Variants in F5 observed in about 807,000 individuals in gnomAD.
The protein encoded by F5 is activated protein c cofactor.
In F5, 138 loss-of-function variants were observed where a neutral mutation model predicts 216.4. The observed-to-expected ratio is 0.64, with a 90% CI of 0.56 to 0.73. The LOEUF (loss-of-function observed/expected upper bound fraction) is 0.73, where lower values mean the gene tolerates loss of function less well. Among genes scored for constraint, F5 ranks in the 30% least tolerant of loss-of-function variants. F5 has a pLI of 0.00. For synonymous variants in F5, 916 were observed against 930.7 expected (o/e 0.98, Z 0.29); for missense variants, 2,403 against 2,674.0 (o/e 0.90, Z 2.24).
intron 3 of F5, among the ~76,000 whole-genome samples, chr1:169,562,214 C>T (rs369422967): frequency 6.6e-6 from 1 of 152,120 alleles, no homozygotes; most frequent in African/African-American, 2.4e-5. Flanking sequence ...TGGGCCCAGA[C>T]AACCACTAAT....
At position 169,514,184 on chromosome 1, in the gene F5, T is replaced by C; in HGVS notation, c.*129A>G. 1 of 949,326 alleles carries C rather than the reference T, an allele frequency of 1.1e-6. No homozygotes were observed. The highest frequency in any genetic ancestry group is 1.6e-6 in the Non-Finnish European group (1 of 613,740). 58.8% of individuals were successfully genotyped at this position (949,326 alleles called of 1,614,324 possible). On this transcript the variant is annotated 3_prime_UTR_variant, in exon 25 of 25. Coordinates refer to ENST00000367797, the MANE Select transcript of F5 (RefSeq NM_000130.5). ...TAAAAGCTTCTTGTATAAAATTTTA[T>C]TCACTAATAGAAAAGAAAGAGAAAT...
chr1:169,559,870 C>T (rs1660424130), intron 4 of F5, among the ~76,000 whole-genome samples: 1 of 149,292 alleles, frequency 6.7e-6, no homozygotes, highest in African/African-American at 2.5e-5. Context: ...TGAGTAAATA[C>T]ATTGGGCATG....
At chr1:169,519,725 T>C (rs753286314) in intron 22 of F5, among the ~76,000 whole-genome samples, 55 of 152,316 alleles carry the variant, frequency 3.6e-4, no homozygotes, top group Non-Finnish European at 7.1e-4. Flanking sequence ...TTGATCCCTC[T>C]TCCCACCTCC....
chr1:169,550,270 T>TC (rs1272186330), intron 9 of F5, among the ~76,000 whole-genome samples: 26 of 88,972 alleles, frequency 2.9e-4, no homozygotes, highest in African/African-American at 4.9e-4. Context: ...CCTAATGCTA[T>TC]CCCTCCCCCC....
chr1:169,575,042 A>G (rs182512091), intron 2 of F5, among the ~76,000 whole-genome samples: 43 of 152,310 alleles, frequency 2.8e-4, no homozygotes, highest in African/African-American at 9.4e-4. Context: ...GATCACAAAA[A>G]CATTCAATTT....
At chr1:169,530,365 G>A (rs1393487441) in intron 15 of F5, among the ~76,000 whole-genome samples, 1 of 152,064 alleles carries the variant, frequency 6.6e-6, no homozygotes, top group Admixed American at 6.6e-5. Flanking sequence ...AGATAAAATT[G>A]TATGCATATA....
chr1:169,574,981 T>G (rs1257000480), intron 2 of F5, among the ~76,000 whole-genome samples: 1 of 152,212 alleles, frequency 6.6e-6, no homozygotes, highest in African/African-American at 2.4e-5. Flanking sequence ...ATTTTTATAG[T>G]TCTATAACTT....
chr1:169,531,105 G>T, intron 14 of F5, 83 bp from the exon 15 acceptor site: 1 of 1,032,284 alleles, frequency 9.7e-7, no homozygotes, highest in Non-Finnish European at 1.5e-6. Context: ...AAGTCAAAAT[G>T]GCTGGTTATA....
intron 13 of F5, among the ~76,000 whole-genome samples, chr1:169,539,590 C>T (rs1659786215): frequency 1.3e-5 from 2 of 152,198 alleles, no homozygotes; most frequent in South Asian, 4.1e-4. Flanking sequence ...GCATAAGTCA[C>T]ACCATACATT....
At position 169,578,171 on chromosome 1, in the gene F5, T is replaced by C. The variant is rs150261825; in HGVS notation, c.250+4260A>G. Reference sequence around the variant, plus strand: ...AGATACCACTCCTGCACTTCATAAGTTCATAGTTAAGCAACTTTGGACATT... The same window carrying C: ...AGATACCACTCCTGCACTTCATAAGCTCATAGTTAAGCAACTTTGGACATT... On this transcript the variant is annotated intron_variant, in intron 2 of 24. Coordinates refer to ENST00000367797, the MANE Select transcript of F5 (RefSeq NM_000130.5). 7.2e-3 allele frequency among the ~76,000 whole-genome samples: 1,090 copies of C among 152,260 alleles called. 10 individuals carry two copies. Among genetic ancestry groups the C allele is most frequent in the African/African-American group, 0.025 (1,041 of 41,540 alleles).
chr1:169,563,853 C>T (rs1660538886), intron 3 of F5, among the ~76,000 whole-genome samples: 2 of 137,916 alleles, frequency 1.5e-5, no homozygotes, highest in African/African-American at 5.1e-5. Flanking sequence ...TGCTTCTATT[C>T]TCTCTTTCAC....
chr1:169,531,333 C>A (rs1659592795), intron 14 of F5, among the ~76,000 whole-genome samples: 2 of 152,088 alleles, frequency 1.3e-5, no homozygotes, highest in African/African-American at 4.8e-5. Context: ...GATTCTTGTT[C>A]ATAAGAAGCT....
intron 4 of F5, 139 bp from the exon 5 acceptor site, chr1:169,559,435 A>G: frequency 6.8e-6 from 6 of 876,580 alleles, no homozygotes; most frequent in Non-Finnish European, 9.2e-6. Context: ...TTAAAATAGC[A>G]TATTTATCAA....
At position 169,552,712 on chromosome 1, in the gene F5, C is replaced by G. The variant is rs1386637285; in HGVS notation, c.1141G>C (p.Asp381His). The part of the protein sequence containing the change: ...MDKKYRSQHL[D>H]NFSNQIGKHY... ...TTTCCAATTTGGTTTGAGAAATTAT[C>G]CAAATGCTGAGACCTGTATTTTCTT... The change falls in exon 8 of 25, where the codon GAT (aspartate) becomes CAT (histidine). Residue 381 changes from aspartate to histidine, a missense_variant. This residue lies in a region of F5 where 1,425 missense variants were observed against 1,554.8 expected (regional missense o/e 0.92). Transcript: ENST00000367797. 2.5e-6 allele frequency: 4 copies of G among 1,611,316 alleles called. No homozygotes were observed. Among genetic ancestry groups the G allele is most frequent in the Non-Finnish European group, 3.4e-6 (4 of 1,179,046 alleles).
At chr1:169,536,889 T>G (rs890903774) in intron 13 of F5, among the ~76,000 whole-genome samples, 1 of 152,088 alleles carries the variant, frequency 6.6e-6, no homozygotes, top group Non-Finnish European at 1.5e-5. Context: ...TATAGGTAAG[T>G]CTTCCTATGA....
At chr1:169,579,794 A>G (rs920920807) in intron 2 of F5, among the ~76,000 whole-genome samples, 1 of 152,198 alleles carries the variant, frequency 6.6e-6, no homozygotes, top group Non-Finnish European at 1.5e-5. Context: ...CAACAGTCCC[A>G]TGACTACTTT....
At chr1:169,520,136 G>A (rs1446958720) in intron 22 of F5, among the ~76,000 whole-genome samples, 1 of 152,202 alleles carries the variant, frequency 6.6e-6, no homozygotes, top group Non-Finnish European at 1.5e-5. Flanking sequence ...TGGCAGTGAT[G>A]TTGCCAGATA....
In F5 at chr1:169,530,848, A is replaced by T. The variant is rs146740336; in HGVS notation, c.5146T>A (p.Ser1716Thr). ...YTYVWHATER[S>T]GPESPGSACR... ...GCAGAGCCAGGACTTTCTGGCCCTG[A>T]TCGCTCAGTGGCATGCCATACGTAG... The change falls in exon 15 of 25, where the codon TCA becomes ACA. Residue 1716 changes from serine (S) to threonine (T), a missense_variant. Around this residue, in one of 4 missense-constraint regions of F5, gnomAD observed 659 missense variants for 787.9 expected, o/e 0.84. Coordinates refer to ENST00000367797, the MANE Select transcript of F5 (RefSeq NM_000130.5). 15 of 1,613,862 alleles carry T rather than the reference A, an allele frequency of 9.3e-6. No homozygotes were observed. The highest frequency in any genetic ancestry group is 1.2e-5 in the Non-Finnish European group (14 of 1,179,868).
intron 3 of F5, among the ~76,000 whole-genome samples, chr1:169,562,461 A>G (rs1047336715): frequency 1.3e-5 from 2 of 151,996 alleles, no homozygotes; most frequent in African/African-American, 4.8e-5. Flanking sequence ...CTTTCCATTT[A>G]CTTTTAATGT....
Sources: gnomAD v4.1 joint callset for allele counts (sites outside exome capture counted in the v4.1 genomes callset) on GRCh38, gnomAD v4.1.1 for gene constraint, gnomAD v4.1.1 regional missense constraint, MANE v1.5 for transcripts, NCBI Gene and HGNC (gene_info 2026-07-23, HGNC 2026-07-21) for gene names.